Variants in GRB14 observed in about 807,000 individuals in gnomAD.
GRB14 encodes the protein growth factor receptor bound protein 14, also known as growth factor receptor-bound protein 14.
In GRB14, 38 loss-of-function variants were observed where a neutral mutation model predicts 69.1. The ratio of observed to expected loss-of-function variants is 0.55; its 90% CI spans 0.42 to 0.72. The LOEUF (loss-of-function observed/expected upper bound fraction) is 0.72. Ranked by LOEUF, GRB14 falls within the 30% of genes least tolerant of loss-of-function variation. The pLI, the probability that GRB14 is intolerant of heterozygous loss-of-function variation, is 0.00. For synonymous variants in GRB14, 247 were observed against 241.3 expected (o/e 1.02, Z -0.22); for missense variants, 666 against 666.1 (o/e 1.00, Z 0.00).
At chr2:164,507,291 T>C (rs1031699113) in intron 8 of GRB14, among the ~76,000 whole-genome samples, 6 of 152,140 alleles carry the variant, frequency 3.9e-5, no homozygotes, top group African/African-American at 1.4e-4. Context: ...CTGGAAAATA[T>C]ACAAACTGCA....
At chr2:164,581,464 A>G (rs760429608) in intron 2 of GRB14, among the ~76,000 whole-genome samples, 46 of 152,322 alleles carry the variant, frequency 3.0e-4, no homozygotes, top group Admixed American at 5.9e-4. Context: ...AAGAAAGGCA[A>G]AAACCAAACC....
Position 164,493,200 on chromosome 2 carries a change from A to G in GRB14, c.1477-18T>C, listed in dbSNP as rs1223461096. The stretch of plus-strand genomic sequence containing the variant: ...TCTTCTACCTGCAAAAAGAAAAGCA[A>G]CAAATAAGTAAAGAGGATAAATTAC... On this transcript the variant is annotated intron_variant, in intron 13 of 13. Transcript: ENST00000263915. 5.0e-6 allele frequency: 8 copies of G among 1,606,964 alleles called. No homozygotes were observed. The highest frequency in any genetic ancestry group is 6.8e-6 in the Non-Finnish European group (8 of 1,175,942).
intron 2 of GRB14, among the ~76,000 whole-genome samples, chr2:164,584,899 G>C (rs998753067): frequency 6.6e-6 from 1 of 151,882 alleles, no homozygotes; most frequent in African/African-American, 2.4e-5. Flanking sequence ...CAGTGGAAAA[G>C]AACTAGAAGA....
At chr2:164,611,037 T>A (rs1690156806) in intron 2 of GRB14, among the ~76,000 whole-genome samples, 1 of 151,896 alleles carries the variant, frequency 6.6e-6, no homozygotes, top group Non-Finnish European at 1.5e-5. Flanking sequence ...CGATAAAGCC[T>A]TGGAGATAGA....
intron 8 of GRB14, among the ~76,000 whole-genome samples, chr2:164,507,899 C>T (rs1022946575): frequency 1.3e-5 from 2 of 152,148 alleles, no homozygotes. Flanking sequence ...TTACTCATTT[C>T]AAAATTGCTC....
chr2:164,556,865 C>A (rs748431815), intron 2 of GRB14, among the ~76,000 whole-genome samples: 2 of 152,076 alleles, frequency 1.3e-5, no homozygotes, highest in Admixed American at 6.6e-5. Context: ...GGGCACACAG[C>A]GACAGTCAAA....
At chr2:164,572,595 T>C (rs1689147517) in intron 2 of GRB14, among the ~76,000 whole-genome samples, 1 of 152,220 alleles carries the variant, frequency 6.6e-6, no homozygotes, top group South Asian at 2.1e-4. Context: ...TATTATTTCA[T>C]CTCATTTTAC....
At chr2:164,523,561 T>C (rs1021743651) in intron 5 of GRB14, among the ~76,000 whole-genome samples, 1 of 152,142 alleles carries the variant, frequency 6.6e-6, no homozygotes, top group African/African-American at 2.4e-5. Context: ...TTTTTTAAAG[T>C]AAATTACTAA....
intron 3 of GRB14, among the ~76,000 whole-genome samples, chr2:164,530,344 A>C (rs1218560832): frequency 6.6e-6 from 1 of 152,138 alleles, no homozygotes; most frequent in Admixed American, 6.6e-5. Context: ...GCACCAAGTC[A>C]TTCACAAGAG....
intron 2 of GRB14, among the ~76,000 whole-genome samples, chr2:164,597,943 C>T (rs1030581920): frequency 3.3e-5 from 5 of 151,714 alleles, no homozygotes; most frequent in African/African-American, 4.8e-5. Flanking sequence ...AAATAGGGAG[C>T]GGAGGGGAAT....
At chr2:164,576,042 T>C (rs1689243959) in intron 2 of GRB14, among the ~76,000 whole-genome samples, 1 of 151,952 alleles carries the variant, frequency 6.6e-6, no homozygotes, top group Non-Finnish European at 1.5e-5. Flanking sequence ...AAGTTGCCTG[T>C]TCATAAGAAT....
At position 164,522,084 on chromosome 2, in the gene GRB14, G is replaced by T. The variant is rs760055911; in HGVS notation, c.712C>A (p.His238Asn). ...FLSSSTYPEI[H>N]GFLHAKEQGK... is the part of the protein sequence containing the mutation. ...TGTTCTTTCGCATGTAAGAAACCAT[G>T]AATTTCAGGATATGTGCTTGAACTC... The change falls in exon 6 of 14, where the codon CAT becomes AAT. Residue 238 changes from histidine (H) to asparagine (N), a missense_variant. Physicochemically the swap from His to Asn is moderately conservative, Grantham distance 68 (BLOSUM62 1). Transcript: ENST00000263915. The T allele has an allele frequency of 1.2e-6, 2 of 1,600,074 alleles. No individual in the cohort carries two copies. Among genetic ancestry groups the T allele is most frequent in the Admixed American group, 3.4e-5 (2 of 58,340 alleles).
intron 2 of GRB14, among the ~76,000 whole-genome samples, chr2:164,556,957 G>C (rs1246596792): frequency 6.6e-6 from 1 of 152,072 alleles, no homozygotes; most frequent in Non-Finnish European, 1.5e-5. Context: ...TGGTAGTGTT[G>C]ACACCTCACG....
At chr2:164,496,708 A>G (rs1686908096) in intron 12 of GRB14, among the ~76,000 whole-genome samples, 1 of 152,198 alleles carries the variant, frequency 6.6e-6, no homozygotes, top group Non-Finnish European at 1.5e-5. Context: ...TTCCCCCATC[A>G]ATTGATATCT....
chr2:164,578,697 G>C (rs1689316308), intron 2 of GRB14, among the ~76,000 whole-genome samples: 1 of 152,170 alleles, frequency 6.6e-6, no homozygotes, highest in South Asian at 2.1e-4. Context: ...AAGTGAGAGA[G>C]TGGTATTCTC....
At chr2:164,577,244 A>G (rs1453437069) in intron 2 of GRB14, among the ~76,000 whole-genome samples, 2 of 152,248 alleles carry the variant, frequency 1.3e-5, no homozygotes, top group South Asian at 2.1e-4. Context: ...AAAATGTACA[A>G]TTGTAGCCAA....
chr2:164,516,554 A>G (rs1443752459), intron 6 of GRB14, among the ~76,000 whole-genome samples: 1 of 152,098 alleles, frequency 6.6e-6, no homozygotes, highest in Non-Finnish European at 1.5e-5. Context: ...ACTACAGGCT[A>G]GAAGGGATTG....
intron 3 of GRB14, among the ~76,000 whole-genome samples, chr2:164,531,212 G>C (rs1687927045): frequency 6.6e-6 from 1 of 152,148 alleles, no homozygotes; most frequent in Non-Finnish European, 1.5e-5. Context: ...AGCTACCAAG[G>C]GGGAAGTTGC....
chr2:164,605,560 AAC>A (rs1690023535), intron 2 of GRB14, among the ~76,000 whole-genome samples: 1 of 152,184 alleles, frequency 6.6e-6, no homozygotes. Flanking sequence ...AAGGAATACC[AAC>A]ACTCAAATCC....
Sources: allele counts gnomAD v4.1 joint callset (sites outside exome capture counted in the v4.1 genomes callset), GRCh38; gene constraint gnomAD v4.1.1; transcripts MANE v1.5; gene names NCBI Gene and HGNC (gene_info 2026-07-23, HGNC 2026-07-21).